RGMA: variants seen among roughly 807,000 people sequenced by gnomAD.
RGMA encodes repulsive guidance molecule A.
In RGMA, 10 loss-of-function variants were observed where a neutral mutation model predicts 23.2. That is an observed-to-expected ratio of 0.43 (90% CI 0.27 to 0.73). The LOEUF is 0.73. Ranked by LOEUF, RGMA falls within the 30% of genes least tolerant of loss-of-function variation. The probability of loss-of-function intolerance (pLI) is 0.20; values close to 1 mark genes in which losing one functional copy is unlikely to be tolerated. For synonymous variants in RGMA, 308 were observed against 279.3 expected (o/e 1.10, Z -1.03); for missense variants, 547 against 630.5 (o/e 0.87, Z 1.42).
intron 2 of RGMA, among the ~76,000 whole-genome samples, chr15:93,068,344 G>A (rs1375939354): frequency 4.3e-5 from 6 of 140,618 alleles, no homozygotes; most frequent in Admixed American, 4.2e-4. Context: ...CCAAAGACAA[G>A]ATCTCTAGCA....
intron 3 of RGMA, among the ~76,000 whole-genome samples, chr15:93,049,446 T>C (rs2054881986): frequency 6.6e-6 from 1 of 152,032 alleles, no homozygotes; most frequent in Non-Finnish European, 1.5e-5. Flanking sequence ...GTCTGTAAAA[T>C]GGGTATCAGC....
intron 3 of RGMA, 63 bp downstream of exon 3, chr15:93,051,930 G>T: frequency 2.0e-6 from 3 of 1,482,204 alleles, no homozygotes; most frequent in Non-Finnish European, 2.7e-6. Context: ...CAGCCTCTCA[G>T]TGTCCACGCA....
intron 1 of RGMA, chr15:93,088,658 G>A (rs1339937017): frequency 1.0e-6 from 1 of 991,600 alleles, no homozygotes; most frequent in Non-Finnish European, 1.3e-6. Flanking sequence ...ACGTGTGCCG[G>A]GTCTGCCCAA....
At chr15:93,088,892 T>C (rs1156530838) in intron 1 of RGMA, 27 bp downstream of exon 1, 30 of 1,487,930 alleles carry the variant, frequency 2.0e-5, no homozygotes, top group Non-Finnish European at 2.6e-5. Context: ...CAGAGCCGGG[T>C]CTGCCCGGCT....
Position 93,045,750 on chromosome 15 carries a change from A to G in RGMA, c.646-45T>C. The G allele has an allele frequency of 7.2e-7, 1 of 1,390,548 alleles. No homozygotes were observed. The highest frequency in any genetic ancestry group is 1.4e-5 in the African/African-American group (1 of 70,938). The allele number at this position is 1,390,548 out of a possible 1,614,324, so 86.1% of individuals were successfully genotyped here. ...AGGAGAGTGGGTGAGGCACAGTGGG[A>G]GGAGGCACAGCCCCACACTTAAGAT... On this transcript the variant is annotated intron_variant, in intron 3 of 3. Transcript: ENST00000329082. The surrounding 1 kb of genome is among the most constrained non-coding windows in gnomAD (Gnocchi z 6.9).
rs375762700 is a variant in RGMA, at chr15:93,065,238, A to G, written c.130+7678T>C. Reference sequence around the variant, plus strand: ...ACATGACAGATGATAAAATGGCTTCAGAGGTTGGGGGCCGGGAGAAAACAA... The same window carrying G: ...ACATGACAGATGATAAAATGGCTTCGGAGGTTGGGGGCCGGGAGAAAACAA... On this transcript the variant is annotated intron_variant, in intron 2 of 3. Coordinates refer to ENST00000329082, the MANE Select transcript of RGMA (RefSeq NM_020211.3). 7.2e-5 allele frequency among the ~76,000 whole-genome samples: 11 copies of G among 152,210 alleles called. No individual in the cohort carries two copies. The East Asian group carries it at 1.9e-3, about 27-fold the overall frequency.
chr15:93,046,613 T>C (rs1359801586), intron 3 of RGMA, among the ~76,000 whole-genome samples: 2 of 152,004 alleles, frequency 1.3e-5, no homozygotes, highest in African/African-American at 4.8e-5. Flanking sequence ...GCAGGTGGAA[T>C]GGAGGGAAAT....
intron 1 of RGMA, among the ~76,000 whole-genome samples, chr15:93,086,052 T>A (rs954306575): frequency 1.3e-5 from 2 of 152,196 alleles, no homozygotes; most frequent in Admixed American, 1.3e-4. Flanking sequence ...AAGAGGAGCC[T>A]GTCTTTTGGA....
At chr15:93,065,673 C>T (rs1009142265) in intron 2 of RGMA, 1 of 1,102,446 alleles carries the variant, frequency 9.1e-7, no homozygotes, top group Non-Finnish European at 1.3e-6. Flanking sequence ...GGGCCTGCTG[C>T]CCTCTCTGCT....
At chr15:93,055,188 T>C (rs943824826) in intron 2 of RGMA, among the ~76,000 whole-genome samples, 3 of 152,130 alleles carry the variant, frequency 2.0e-5, no homozygotes, top group Non-Finnish European at 4.4e-5. Flanking sequence ...CTCCTGTTAA[T>C]GGATGGCCAC....
intron 2 of RGMA, among the ~76,000 whole-genome samples, chr15:93,070,671 A>C (rs1338962431): frequency 1.3e-5 from 2 of 152,192 alleles, no homozygotes; most frequent in Non-Finnish European, 2.9e-5. Flanking sequence ...GGGGTACTGG[A>C]AGCTCAGTTT....
Position 93,073,030 on chromosome 15 carries a change from C to T in RGMA, c.16G>A (p.Glu6Lys). Reference sequence around the variant, plus strand: ...GCTCGGCCTGTTACCACTAGCCTCTCCCTGGAAGAAGAGTTCAGAAAAAAA... The same window carrying T: ...GCTCGGCCTGTTACCACTAGCCTCTTCCTGGAAGAAGAGTTCAGAAAAAAA... MQPPR[E>K]RLVVTGRAGW... The change falls in exon 2 of 4, where the codon GAG (glutamate) becomes AAG (lysine). Residue 6 changes from glutamate to lysine, a missense_variant and splice_region_variant. By Grantham distance (56) the Glu-to-Lys change is moderately conservative. Around this residue, in one of 3 missense-constraint regions of RGMA, gnomAD observed 214 missense variants for 234.7 expected, o/e 0.91. Transcript: ENST00000329082. 6.3e-7 allele frequency: 1 copy of T among 1,592,518 alleles called. No individual in the cohort carries two copies. The highest frequency in any genetic ancestry group is 1.4e-5 in the African/African-American group (1 of 73,160).
chr15:93,052,592 C>G, intron 2 of RGMA, 85 bp from the exon 3 acceptor site: 1 of 1,381,986 alleles, frequency 7.2e-7, no homozygotes, highest in Non-Finnish European at 9.6e-7. Context: ...GGGGAGCAGC[C>G]ACACATCGCC....
rs2054818241 is a variant in RGMA, at chr15:93,045,907, TTTTAC to T, written c.646-207_646-203del. Reference sequence around the variant, plus strand: ...TCTTTCAATGAAAACAACTTGCCCTTTTTACTTTAAAAAGTGACTTAGAAAAATGT... The same window carrying T: ...TCTTTCAATGAAAACAACTTGCCCTTTTTAAAAAGTGACTTAGAAAAATGT... On this transcript the variant is annotated intron_variant, in intron 3 of 3. Transcript: ENST00000329082. This position sits in a 1 kb window ranked among gnomAD's most constrained non-coding sequence, Gnocchi z 6.9. 1.3e-5 allele frequency among the ~76,000 whole-genome samples: 2 copies of T among 152,300 alleles called. No homozygotes were observed. Among genetic ancestry groups the T allele is most frequent in the South Asian group, 2.1e-4 (1 of 4,830 alleles).
intron 2 of RGMA, among the ~76,000 whole-genome samples, chr15:93,062,450 C>T (rs1199578435): frequency 1.3e-5 from 2 of 152,184 alleles, no homozygotes; most frequent in South Asian, 2.1e-4. Context: ...AAAGATCTGA[C>T]GACAGGGACC....
intron 2 of RGMA, among the ~76,000 whole-genome samples, chr15:93,053,620 G>A (rs983011864): frequency 6.6e-6 from 1 of 152,186 alleles, no homozygotes; most frequent in African/African-American, 2.4e-5. Context: ...ACATTTGAGG[G>A]CAGGCTAACG....
chr15:93,074,837 C>T (rs1423340867), intron 1 of RGMA, among the ~76,000 whole-genome samples: 1 of 152,228 alleles, frequency 6.6e-6, no homozygotes, highest in African/African-American at 2.4e-5. Context: ...CAGAGGTGAC[C>T]AAGTGGCCTT....
intron 2 of RGMA, among the ~76,000 whole-genome samples, chr15:93,064,903 T>G (rs1895089850): frequency 6.6e-6 from 1 of 152,130 alleles, no homozygotes; most frequent in Non-Finnish European, 1.5e-5. Context: ...CCTCATCATA[T>G]CCCCAAAGTC....
In RGMA at chr15:93,052,032, C is replaced by T. The variant is rs537314883; in HGVS notation, c.606G>A (p.Thr202=). ...TGGCCGCTGAGCCGGGCAGCACAGG[C>T]GTGTTGGTGACCTGCACGTTCAGGT... ...NNYLNVQVTN[T]PVLPGSAATA... is the part of the protein sequence containing the mutation. Residue 202 remains threonine (T), a synonymous_variant, in exon 3 of 4, where the codon ACG becomes ACA. Transcript: ENST00000329082. The T allele has an allele frequency of 8.4e-5, 136 of 1,610,524 alleles. No homozygotes were observed. The highest frequency in any genetic ancestry group is 4.7e-4 in the Admixed American group (28 of 59,612).
Sources: gnomAD v4.1 joint callset for allele counts (sites outside exome capture counted in the v4.1 genomes callset) on GRCh38, gnomAD v4.1.1 for gene constraint, gnomAD v4.1.1 regional missense constraint, Gnocchi (gnomAD v3.1) non-coding constraint, MANE v1.5 for transcripts, NCBI Gene and HGNC (gene_info 2026-07-23, HGNC 2026-07-21) for gene names.